SIPA1L1: variants seen among roughly 807,000 people sequenced by gnomAD.
The protein encoded by SIPA1L1 is signal induced proliferation associated 1 like 1.
A neutral mutation model predicts 162.7 loss-of-function variants in SIPA1L1; 26 were observed. That is an observed-to-expected ratio of 0.16 (90% confidence interval 0.12 to 0.22). SIPA1L1 has a LOEUF of 0.22. Among genes scored for constraint, SIPA1L1 ranks in the 10% least tolerant of loss-of-function variants. The pLI is 1.00. For missense variants in SIPA1L1, 1,874 were observed against 2,241.0 expected (o/e 0.84, Z 3.31); for synonymous variants, 829 against 837.4 (o/e 0.99, Z 0.17).
intron 5 of SIPA1L1, among the ~76,000 whole-genome samples, chr14:71,592,327 T>C (rs2035508286): frequency 1.3e-5 from 2 of 152,358 alleles, no homozygotes; most frequent in South Asian, 4.1e-4. Context: ...CTGTAAAGTA[T>C]AAACTGTACA....
At chr14:71,534,659 G>A (rs1412663198) in intron 4 of SIPA1L1, among the ~76,000 whole-genome samples, 1 of 152,160 alleles carries the variant, frequency 6.6e-6, no homozygotes, top group East Asian at 1.9e-4. Flanking sequence ...AAAATGGAAA[G>A]CTTTACTAAA....
chr14:71,539,952 A>AT (rs2054236047), intron 4 of SIPA1L1, among the ~76,000 whole-genome samples: 1 of 152,192 alleles, frequency 6.6e-6, no homozygotes, highest in Non-Finnish European at 1.5e-5. Flanking sequence ...TGTGCAAGAC[A>AT]TTATCTGAGC....
At chr14:71,687,362 T>C (rs1298548455) in intron 13 of SIPA1L1, among the ~76,000 whole-genome samples, 3 of 152,218 alleles carry the variant, frequency 2.0e-5, no homozygotes, top group African/African-American at 7.2e-5. Flanking sequence ...AGGTGTGTGC[T>C]AACTGGAATT....
intron 9 of SIPA1L1, 50 bp from the exon 10 acceptor site, chr14:71,661,260 G>A (rs200750616): frequency 3.5e-4 from 553 of 1,590,002 alleles, no homozygotes; most frequent in Non-Finnish European, 4.6e-4. Context: ...TGGGGTGGCG[G>A]GGGAAGCAAA....
chr14:71,724,641 A>G lies in SIPA1L1; in HGVS notation c.4449-29A>G, dbSNP rs532703751. 40 of 1,597,196 alleles carry G rather than the reference A, an allele frequency of 2.5e-5. No individual in the cohort carries two copies. The South Asian group carries it at 4.1e-4, about 16-fold the overall frequency. ...CTTGAGCCAGCCTTGTTGAGTTGGTATCTATCATCTCTTCCCTTTTTTGTC... is the reference window on the plus strand; with the variant it reads ...CTTGAGCCAGCCTTGTTGAGTTGGTGTCTATCATCTCTTCCCTTTTTTGTC... On this transcript the variant is annotated intron_variant, in intron 18 of 23. Coordinates refer to ENST00000381232, the MANE Select transcript of SIPA1L1 (RefSeq NM_001386936.1).
rs1475213493 is a variant in SIPA1L1, at chr14:71,588,844, C to T, written c.972C>T (p.Pro324=). The T allele has an allele frequency of 1.2e-6, 2 of 1,613,986 alleles. No individual in the cohort carries two copies. The highest frequency in any genetic ancestry group is 8.5e-7 in the Non-Finnish European group (1 of 1,179,998). ...EDNRSEDSVR[P]WTCPKCFAHY... is the part of the protein sequence containing the mutation. Reference sequence around the variant, plus strand: ...ACCGATCAGAAGACTCTGTCAGGCCCTGGACATGTCCAAAGTGCTTTGCCC... The same window carrying T: ...ACCGATCAGAAGACTCTGTCAGGCCTTGGACATGTCCAAAGTGCTTTGCCC... Residue 324 remains proline, a synonymous_variant, in exon 5 of 24, where the codon CCC becomes CCT. Coordinates refer to ENST00000381232, the MANE Select transcript of SIPA1L1 (RefSeq NM_001386936.1). This position sits in a 1 kb window ranked among gnomAD's most constrained non-coding sequence, Gnocchi z 4.3.
chr14:71,562,580 T>G (rs978073694), intron 4 of SIPA1L1, among the ~76,000 whole-genome samples: 2 of 152,252 alleles, frequency 1.3e-5, no homozygotes, highest in African/African-American at 4.8e-5. Flanking sequence ...GTAACTTGCA[T>G]GTTAAGATTG....
chr14:71,541,218 A>C (rs2054352092), intron 4 of SIPA1L1, among the ~76,000 whole-genome samples: 1 of 152,216 alleles, frequency 6.6e-6, no homozygotes, highest in East Asian at 1.9e-4. Flanking sequence ...AGGTTAAGTT[A>C]GTTCCTTTAT....
intron 7 of SIPA1L1, among the ~76,000 whole-genome samples, chr14:71,646,233 G>T (rs2042151110): frequency 6.7e-6 from 1 of 149,940 alleles, no homozygotes; most frequent in Non-Finnish European, 1.5e-5. Context: ...CTGGAGTGCA[G>T]TGGCGCTATC....
chr14:71,631,758 T>A (rs921055364), intron 7 of SIPA1L1, among the ~76,000 whole-genome samples: 35 of 152,348 alleles, frequency 2.3e-4, no homozygotes, highest in Middle Eastern at 3.4e-3. Flanking sequence ...GTCATTTTTT[T>A]AAAACAGTTG....
intron 2 of SIPA1L1, among the ~76,000 whole-genome samples, chr14:71,479,573 AT>A (rs554995049): frequency 6.8e-6 from 1 of 147,350 alleles, no homozygotes; most frequent in South Asian, 2.2e-4. Context: ...TTTATTTTTT[AT>A]TTTTTTTATT....
At chr14:71,547,404 C>T (rs541200140) in intron 4 of SIPA1L1, among the ~76,000 whole-genome samples, 1 of 150,758 alleles carries the variant, frequency 6.6e-6, no homozygotes, top group East Asian at 2.0e-4. Context: ...AGTGATTCCG[C>T]TGCCTCAGCC....
In SIPA1L1 at chr14:71,588,822, G is replaced by T; in HGVS notation, c.950G>T (p.Arg317Leu). The change falls in exon 5 of 24, where the codon CGA (arginine) becomes CTA (leucine). Residue 317 changes from arginine to leucine, a missense_variant. This residue lies in a region of SIPA1L1 where 685 missense variants were observed against 828.0 expected (regional missense o/e 0.83). Coordinates refer to ENST00000381232, the MANE Select transcript of SIPA1L1 (RefSeq NM_001386936.1). This position sits in a 1 kb window ranked among gnomAD's most constrained non-coding sequence, Gnocchi z 4.3. The stretch of plus-strand genomic sequence containing the variant: ...AAGTCATCAGATCTTGAAGATAACC[G>T]ATCAGAAGACTCTGTCAGGCCCTGG... ...LGKSSDLEDN[R>L]SEDSVRPWTC... The T allele has an allele frequency of 6.2e-7, 1 of 1,614,078 alleles. No individual in the cohort carries two copies. Among genetic ancestry groups the T allele is most frequent in the Non-Finnish European group, 8.5e-7 (1 of 1,179,990 alleles).
At chr14:71,329,339 C>T (rs549309510) in intron 2 of SIPA1L1, among the ~76,000 whole-genome samples, 75 of 150,296 alleles carry the variant, frequency 5.0e-4, no homozygotes, top group African/African-American at 1.7e-3. Flanking sequence ...TACTGTTTTT[C>T]GTAGTTGTAC....
chr14:71,692,247 A>G (rs2081304026), intron 13 of SIPA1L1, among the ~76,000 whole-genome samples: 1 of 152,266 alleles, frequency 6.6e-6, no homozygotes, highest in Non-Finnish European at 1.5e-5. Flanking sequence ...ATAAAGCTAT[A>G]GCATTAAACA....
intron 7 of SIPA1L1, 62 bp from the exon 8 acceptor site, chr14:71,650,273 A>C: frequency 1.3e-6 from 2 of 1,566,712 alleles, no homozygotes; most frequent in Non-Finnish European, 1.8e-6. Context: ...ACCTTTTAGC[A>C]TTTGACTGGG....
chr14:71,419,918 G>A (rs1208960809), intron 2 of SIPA1L1, among the ~76,000 whole-genome samples: 1 of 152,116 alleles, frequency 6.6e-6, no homozygotes, highest in Non-Finnish European at 1.5e-5. Flanking sequence ...CTACTTGGAA[G>A]GCTGAGGTGG....
rs1006144231 is a variant in SIPA1L1 at position 71,584,547 on chromosome 14, C to G, written c.-302-3024C>G. Among the ~76,000 whole-genome samples the G allele has an allele frequency of 3.0e-4, 45 of 152,170 alleles. 1 individual carries two copies. Among genetic ancestry groups the G allele is most frequent in the African/African-American group, 1.1e-3 (44 of 41,422 alleles). ...AGGAGGGACTGGTGGATGTATGGTCCATGCTCTGAAGACACTACAGAAACA... is the reference window on the plus strand; with the variant it reads ...AGGAGGGACTGGTGGATGTATGGTCGATGCTCTGAAGACACTACAGAAACA... On this transcript the variant is annotated intron_variant, in intron 4 of 23. Coordinates refer to ENST00000381232, the MANE Select transcript of SIPA1L1 (RefSeq NM_001386936.1).
chr14:71,533,858 A>T (rs551252539), intron 4 of SIPA1L1, among the ~76,000 whole-genome samples: 2 of 152,168 alleles, frequency 1.3e-5, no homozygotes, highest in Non-Finnish European at 2.9e-5. Context: ...AAAATTCCTC[A>T]TTAGGTGGGT....
Sources: gnomAD v4.1 joint callset for allele counts (sites outside exome capture counted in the v4.1 genomes callset) on GRCh38, gnomAD v4.1.1 for gene constraint, gnomAD v4.1.1 regional missense constraint, Gnocchi (gnomAD v3.1) non-coding constraint, MANE v1.5 for transcripts, NCBI Gene and HGNC (gene_info 2026-07-23, HGNC 2026-07-21) for gene names.